SLC30A6: variants seen among roughly 807,000 people sequenced by gnomAD.
SLC30A6 encodes the protein solute carrier family 30 member 6, also known as zinc transporter 6.
Under a neutral mutation model 63.0 loss-of-function variants are expected in SLC30A6, and 55 were observed. The ratio of observed to expected loss-of-function variants is 0.87; its 90% confidence interval spans 0.70 to 1.09. The LOEUF (loss-of-function observed/expected upper bound fraction) is 1.09. Among genes scored for constraint, SLC30A6 ranks in the 50% least tolerant of loss-of-function variants. The pLI is 0.00. For synonymous variants in SLC30A6, 224 were observed against 186.1 expected, an observed-to-expected ratio of 1.20 and a Z score of -1.66; for missense variants, 587 against 549.2, an observed-to-expected ratio of 1.07 and a Z score of -0.69.
At chr2:32,191,848 G>C (rs1683355349) in intron 5 of SLC30A6, among the ~76,000 whole-genome samples, 1 of 152,066 alleles carries the variant, frequency 6.6e-6, no homozygotes, top group South Asian at 2.1e-4. Context: ...GGGCAACATA[G>C]TGAGACCCCC....
At chr2:32,201,087 G>T (rs913309968) in intron 10 of SLC30A6, among the ~76,000 whole-genome samples, 1 of 152,154 alleles carries the variant, frequency 6.6e-6, no homozygotes. Flanking sequence ...CAGGAGCCTT[G>T]TCACTCAATC....
chr2:32,176,163 A>G (rs917521175), intron 4 of SLC30A6, among the ~76,000 whole-genome samples: 1 of 152,138 alleles, frequency 6.6e-6, no homozygotes, highest in African/African-American at 2.4e-5. Flanking sequence ...AAAAAATTAT[A>G]ATTCATACAG....
chr2:32,175,176 A>G, intron 3 of SLC30A6, 143 bp from the exon 4 acceptor site: 1 of 672,240 alleles, frequency 1.5e-6, no homozygotes, highest in Non-Finnish European at 2.6e-6. Flanking sequence ...GATTTACTAG[A>G]TAACTGCCAA....
chr2:32,202,945 T>C, intron 10 of SLC30A6: 1 of 1,135,554 alleles, frequency 8.8e-7, no homozygotes, highest in Non-Finnish European at 1.3e-6. Context: ...GGAGATGTCC[T>C]TCAAGTCTAC....
At chr2:32,212,989 T>C (rs991959883) in intron 13 of SLC30A6, among the ~76,000 whole-genome samples, 2 of 149,450 alleles carry the variant, frequency 1.3e-5, no homozygotes, top group Non-Finnish European at 3.0e-5. Context: ...CACTGCAGTC[T>C]CAAATGTCTG....
At chr2:32,171,869 T>G (rs961045804) in intron 2 of SLC30A6, among the ~76,000 whole-genome samples, 3 of 152,044 alleles carry the variant, frequency 2.0e-5, no homozygotes, top group Admixed American at 2.0e-4. Context: ...ATTTTTTGTA[T>G]TTTTAGTAGA....
At chr2:32,204,782 G>T in intron 11 of SLC30A6, 90 bp downstream of exon 11, 22 of 496,982 alleles carry the variant, frequency 4.4e-5, no homozygotes, top group African/African-American at 6.3e-5. Context: ...ACAAGATTGT[G>T]AAATTTTTAT....
intron 8 of SLC30A6, among the ~76,000 whole-genome samples, chr2:32,197,046 G>C (rs1683855414): frequency 2.0e-5 from 3 of 152,132 alleles, no homozygotes; most frequent in Admixed American, 2.0e-4. Context: ...GGCAGAAAGA[G>C]CAAAACTCCA....
intron 11 of SLC30A6, 119 bp downstream of exon 11, chr2:32,204,811 AT>A (rs71407425): frequency 0.028 from 5,116 of 182,634 alleles, no homozygotes; most frequent in East Asian, 0.047. Context: ...TTTAATTTTA[AT>A]TTTTTTTTTT....
intron 2 of SLC30A6, among the ~76,000 whole-genome samples, chr2:32,171,866 G>C (rs1410305866): frequency 6.6e-6 from 1 of 151,938 alleles, no homozygotes; most frequent in African/African-American, 2.4e-5. Flanking sequence ...CTAATTTTTT[G>C]TATTTTTAGT....
intron 13 of SLC30A6, among the ~76,000 whole-genome samples, chr2:32,211,927 C>T (rs956953261): frequency 6.6e-6 from 1 of 152,108 alleles, no homozygotes; most frequent in Admixed American, 6.6e-5. Flanking sequence ...GCCCACAGTG[C>T]ACGCTTTTGA....
At chr2:32,205,040 T>C (rs997916394) in intron 11 of SLC30A6, among the ~76,000 whole-genome samples, 3 of 152,134 alleles carry the variant, frequency 2.0e-5, no homozygotes, top group Admixed American at 1.3e-4. Context: ...CTCAAACTCC[T>C]GGGCTCAAAT....
At chr2:32,186,098 G>A (rs1682787654) in intron 5 of SLC30A6, among the ~76,000 whole-genome samples, 2 of 151,934 alleles carry the variant, frequency 1.3e-5, no homozygotes, top group Non-Finnish European at 2.9e-5. Flanking sequence ...GAAGTGGTGT[G>A]ATCTTGGCTC....
chr2:32,223,343 T>G lies in SLC30A6; in HGVS notation c.*2630T>G, dbSNP rs1686242283. The G allele has an allele frequency of 6.6e-6, 1 of 152,220 alleles. No homozygotes were observed. Among genetic ancestry groups the G allele is most frequent in the South Asian group, 2.1e-4 (1 of 4,838 alleles). The allele number at this position is 152,220 out of a possible 1,614,324, so 9.4% of individuals were successfully genotyped here. A position where few individuals can be genotyped will look rare whatever the true frequency, so the allele number is the denominator to read the frequency against. ...ATGTAATTAACCCTGCTTTACGAAG[T>G]CACCATATTATAATAGGAAAAACAC... is the stretch of plus-strand genomic sequence containing the variant. On this transcript the variant is annotated 3_prime_UTR_variant, in exon 14 of 14. Coordinates refer to ENST00000282587, the MANE Select transcript of SLC30A6 (RefSeq NM_017964.5).
At chr2:32,183,640 A>G (rs1682543219) in intron 4 of SLC30A6, among the ~76,000 whole-genome samples, 1 of 148,646 alleles carries the variant, frequency 6.7e-6, no homozygotes, top group Non-Finnish European at 1.5e-5. Context: ...GTGAGCCGAG[A>G]TGGCACTACT....
In SLC30A6 at chr2:32,202,125, C is replaced by G; in HGVS notation, c.666-2465C>G. 6 of 734,412 alleles carry G rather than the reference C, an allele frequency of 8.2e-6. No individual in the cohort carries two copies. The South Asian group carries it at 9.8e-5, about 12-fold the overall frequency. The allele number at this position is 734,412 out of a possible 1,614,324, so 45.5% of individuals were successfully genotyped here. On this transcript the variant is annotated intron_variant, in intron 10 of 13. Transcript: ENST00000282587. ...CACATGAACAGAAAGAAGGAACCTTCTCCAATCTTCCTATTTCTGAAGAGA... is the reference window on the plus strand; with the variant it reads ...CACATGAACAGAAAGAAGGAACCTTGTCCAATCTTCCTATTTCTGAAGAGA...
At chr2:32,173,929 A>G (rs1477701052) in intron 2 of SLC30A6, 134 bp from the exon 3 acceptor site, 9 of 561,010 alleles carry the variant, frequency 1.6e-5, no homozygotes, top group Non-Finnish European at 2.7e-5. Context: ...GTAGATGTAG[A>G]AAGTGTGACA....
At chr2:32,205,568 A>G (rs978128531) in intron 11 of SLC30A6, among the ~76,000 whole-genome samples, 1 of 152,176 alleles carries the variant, frequency 6.6e-6, no homozygotes, top group African/African-American at 2.4e-5. Flanking sequence ...GTCCATTAGC[A>G]AGTAAAATAG....
chr2:32,178,864 CAA>C lies in SLC30A6; in HGVS notation c.218+3504_218+3505del, dbSNP rs555901730. Among the ~76,000 whole-genome samples, 32 of 152,180 alleles carry C rather than the reference CAA, an allele frequency of 2.1e-4. 1 individual carries two copies. Among genetic ancestry groups the C allele is most frequent in the Admixed American group, 1.7e-3 (26 of 15,276 alleles). On this transcript the variant is annotated intron_variant, in intron 4 of 13. Coordinates refer to ENST00000282587, the MANE Select transcript of SLC30A6 (RefSeq NM_017964.5). ...TGGATATTCCAGCTTTGTTCTTTTT[CAA>C]GATTGTTTTGGCTAAACAGGCATTC...
Sources: allele counts gnomAD v4.1 joint callset (sites outside exome capture counted in the v4.1 genomes callset), GRCh38; gene constraint gnomAD v4.1.1; transcripts MANE v1.5; gene names NCBI Gene and HGNC (gene_info 2026-07-23, HGNC 2026-07-21).